MGAT4C: variants seen among roughly 807,000 people sequenced by gnomAD.
MGAT4C encodes alpha-1,3-mannosyl-glycoprotein 4-beta-N-acetylglucosaminyltransferase C.
In MGAT4C, 19 loss-of-function variants were observed where a neutral mutation model predicts 40.1. The observed-to-expected ratio is 0.47, with a 90% CI of 0.33 to 0.70. The LOEUF is 0.70. Ranked by LOEUF, MGAT4C falls within the 30% of genes least tolerant of loss-of-function variation. The pLI, the probability that MGAT4C is intolerant of heterozygous loss-of-function variation, is 0.02. For missense variants in MGAT4C, 491 were observed against 563.2 expected (o/e 0.87, Z 1.30); for synonymous variants, 181 against 187.1 (o/e 0.97, Z 0.27).
chr12:86,699,641 T>C (rs1166673557), intron 2 of MGAT4C, among the ~76,000 whole-genome samples: 1 of 152,074 alleles, frequency 6.6e-6, no homozygotes, highest in Non-Finnish European at 1.5e-5. Context: ...TAATTATTAA[T>C]AGCCTACTGT....
intron 1 of MGAT4C, among the ~76,000 whole-genome samples, chr12:86,186,387 A>C (rs1888756049): frequency 6.6e-6 from 1 of 152,168 alleles, no homozygotes; most frequent in Non-Finnish European, 1.5e-5. Flanking sequence ...AATCATTCAC[A>C]TGGTGTCCGT....
rs140364929 is a variant in MGAT4C at position 86,340,152 on chromosome 12, T to C, written c.-119-6025A>G. Among the ~76,000 whole-genome samples the C allele has an allele frequency of 8.0e-4, 122 of 152,348 alleles. 1 individual carries two copies. In the East Asian group the frequency reaches 0.019, roughly 24 times the overall value. ...ACAGAAGAGTTCATTTTGCTTCATG[T>C]GCTTTTATTCTTTATTTCAGTCAGA... On this transcript the variant is annotated intron_variant, in intron 3 of 7. Transcript: ENST00000548651.
chr12:86,481,151 T>C (rs1957930673), intron 2 of MGAT4C, among the ~76,000 whole-genome samples: 1 of 152,042 alleles, frequency 6.6e-6, no homozygotes, highest in Non-Finnish European at 1.5e-5. Context: ...TTTATAATGC[T>C]ATAAATTCTA....
At chr12:86,408,479 CTATA>C (rs71076198) in intron 3 of MGAT4C, among the ~76,000 whole-genome samples, 2,994 of 62,616 alleles carry the variant, frequency 0.048, 100 homozygotes, top group Non-Finnish European at 0.057. Context: ...CTCTCTCTCT[CTATA>C]TATATATATA....
chr12:86,104,037 C>G (rs1313591740), intron 1 of MGAT4C, among the ~76,000 whole-genome samples: 1 of 151,940 alleles, frequency 6.6e-6, no homozygotes, highest in East Asian at 1.9e-4. Flanking sequence ...ATCCCAAGTC[C>G]AGAGGTCTGA....
At chr12:86,719,746 T>C (rs1453765015) in intron 2 of MGAT4C, among the ~76,000 whole-genome samples, 1 of 152,346 alleles carries the variant, frequency 6.6e-6, no homozygotes, top group South Asian at 2.1e-4. Flanking sequence ...ACTGTCCCTG[T>C]TCTTGCATTC....
At chr12:86,526,233 G>C (rs976694240) in intron 2 of MGAT4C, among the ~76,000 whole-genome samples, 1 of 152,108 alleles carries the variant, frequency 6.6e-6, no homozygotes, top group East Asian at 1.9e-4. Context: ...GCTGGCAGGA[G>C]CAGGGTTGGC....
At chr12:86,192,748 C>T (rs1030288806) in intron 1 of MGAT4C, among the ~76,000 whole-genome samples, 1 of 151,914 alleles carries the variant, frequency 6.6e-6, no homozygotes, top group Non-Finnish European at 1.5e-5. Flanking sequence ...GGTTTTTTGT[C>T]GTTTTTCTAT....
chr12:86,720,197 C>G (rs983694306), intron 2 of MGAT4C, among the ~76,000 whole-genome samples: 4 of 152,060 alleles, frequency 2.6e-5, no homozygotes, highest in African/African-American at 9.7e-5. Flanking sequence ...AACTTTCTTG[C>G]TTTGTTATCT....
At chr12:86,686,424 G>A (rs1026249375) in intron 2 of MGAT4C, among the ~76,000 whole-genome samples, 1 of 152,172 alleles carries the variant, frequency 6.6e-6, no homozygotes, top group African/African-American at 2.4e-5. Context: ...AGTTTTCAAA[G>A]TGACTCCTTC....
chr12:86,070,781 A>T (rs956717018), intron 1 of MGAT4C, among the ~76,000 whole-genome samples: 5 of 152,118 alleles, frequency 3.3e-5, no homozygotes, highest in African/African-American at 4.8e-5. Context: ...GAGCAATCAG[A>T]TTCACAATTC....
At chr12:86,551,839 T>A (rs1344759018) in intron 2 of MGAT4C, among the ~76,000 whole-genome samples, 2 of 152,080 alleles carry the variant, frequency 1.3e-5, no homozygotes, top group Non-Finnish European at 2.9e-5. Context: ...ATGGATTACA[T>A]CTGAAGAAAC....
intron 1 of MGAT4C, among the ~76,000 whole-genome samples, chr12:86,243,971 G>A (rs1951908464): frequency 6.6e-6 from 1 of 152,154 alleles, no homozygotes; most frequent in Non-Finnish European, 1.5e-5. Flanking sequence ...GAAAAGACTG[G>A]CCATATTCAG....
chr12:86,396,735 TTAGAG>T (rs1956269782), intron 3 of MGAT4C, among the ~76,000 whole-genome samples: 1 of 152,088 alleles, frequency 6.6e-6, no homozygotes, highest in African/African-American at 2.4e-5. Flanking sequence ...AATTATCACT[TTAGAG>T]TAAATAAAAT....
intron 1 of MGAT4C, among the ~76,000 whole-genome samples, chr12:86,123,153 T>C (rs1879700776): frequency 1.3e-5 from 2 of 152,124 alleles, no homozygotes; most frequent in South Asian, 4.1e-4. Context: ...ACTCAAGATT[T>C]CTTTGTGAAT....
At chr12:86,001,624 T>C (rs1471792626) in intron 2 of MGAT4C, 4 of 983,880 alleles carry the variant, frequency 4.1e-6, no homozygotes, top group African/African-American at 3.5e-5. Context: ...GAGTACACTA[T>C]ACAGAGGCTG....
intron 2 of MGAT4C, among the ~76,000 whole-genome samples, chr12:86,522,325 T>A (rs968400312): frequency 6.6e-6 from 1 of 152,152 alleles, no homozygotes; most frequent in African/African-American, 2.4e-5. Context: ...GTGTTGAAAT[T>A]TATTAAAATT....
intron 2 of MGAT4C, among the ~76,000 whole-genome samples, chr12:86,691,340 C>A (rs919135612): frequency 2.0e-5 from 3 of 151,198 alleles, no homozygotes; most frequent in African/African-American, 4.9e-5. Context: ...TATAAAAGTT[C>A]TTTTCCCTTT....
chr12:86,173,145 G>A (rs985123021), intron 1 of MGAT4C, among the ~76,000 whole-genome samples: 19 of 152,140 alleles, frequency 1.2e-4, no homozygotes, highest in South Asian at 4.1e-4. Flanking sequence ...GCAAGAGACC[G>A]AATAACCTAA....
Sources: allele counts gnomAD v4.1 joint callset (sites outside exome capture counted in the v4.1 genomes callset), GRCh38; gene constraint gnomAD v4.1.1; transcripts MANE v1.5; gene names NCBI Gene and HGNC (gene_info 2026-07-23, HGNC 2026-07-21).